Variants in SKIC2 observed in about 807,000 individuals in gnomAD.
SKIC2 encodes SKI2 subunit of superkiller complex.
chr6:31,962,574 A>G, the SKIC2 span: 59,006 of 1,613,018 alleles, frequency 0.037, 1,525 homozygotes, highest in East Asian at 0.086. This position sits in a 1 kb window ranked among gnomAD's most constrained non-coding sequence, Gnocchi z 5.0. Context: ...TCATGACCAC[A>G]GAGATCCTTC....
chr6:31,963,883 T>C, the SKIC2 span: 2 of 1,586,148 alleles, frequency 1.3e-6, no homozygotes, highest in Non-Finnish European at 1.7e-6. This position sits in a 1 kb window ranked among gnomAD's most constrained non-coding sequence, Gnocchi z 5.3. Flanking sequence ...ACTCAACCTC[T>C]GCTCCTTCCC....
At chr6:31,959,192 G>C in the SKIC2 span, 2 of 1,610,342 alleles carry the variant, frequency 1.2e-6, no homozygotes, top group Admixed American at 1.7e-5. Flanking sequence ...GTGGCTCCAG[G>C]ATGATGGAGA....
chr6:31,967,632 C>T, the SKIC2 span: 1 of 1,502,166 alleles, frequency 6.7e-7, no homozygotes, highest in Admixed American at 1.7e-5. This position sits in a 1 kb window ranked among gnomAD's most constrained non-coding sequence, Gnocchi z 4.9. Context: ...TTCCTGATTC[C>T]TGCCCAAGGG....
the SKIC2 span, chr6:31,961,486 G>A: frequency 1.3e-6 from 2 of 1,541,730 alleles, no homozygotes; most frequent in Non-Finnish European, 1.7e-6. Context: ...TCTTTTGGGA[G>A]GAGTGCTAAT....
the SKIC2 span, chr6:31,966,936 A>T: frequency 3.7e-6 from 6 of 1,613,058 alleles, no homozygotes; most frequent in Non-Finnish European, 4.2e-6. The surrounding 1 kb of genome is among the most constrained non-coding windows in gnomAD (Gnocchi z 5.9). Flanking sequence ...CAGTGTGTTG[A>T]GGGTGGGGAG....
the SKIC2 span, chr6:31,967,263 T>C: frequency 4.3e-6 from 7 of 1,612,486 alleles, no homozygotes; most frequent in Non-Finnish European, 5.9e-6. This position sits in a 1 kb window ranked among gnomAD's most constrained non-coding sequence, Gnocchi z 4.9. Context: ...ATCTGTCCTT[T>C]GCTCTTCAGC....
At chr6:31,969,174 C>T in the SKIC2 span, 4 of 1,551,206 alleles carry the variant, frequency 2.6e-6, no homozygotes, top group African/African-American at 1.4e-5. This position sits in a 1 kb window ranked among gnomAD's most constrained non-coding sequence, Gnocchi z 6.1. Context: ...TGACCCCCTC[C>T]AGCCCTGTAA....
the SKIC2 span, chr6:31,965,958 T>C: frequency 5.0e-6 from 8 of 1,612,208 alleles, no homozygotes; most frequent in Non-Finnish European, 6.8e-6. This position sits in a 1 kb window ranked among gnomAD's most constrained non-coding sequence, Gnocchi z 5.6. Flanking sequence ...GGCACCGTTA[T>C]CCTGCTCTGC....
the SKIC2 span, chr6:31,962,138 A>G: frequency 5.3e-5 from 73 of 1,383,996 alleles, no homozygotes; most frequent in Middle Eastern, 2.8e-3. This position sits in a 1 kb window ranked among gnomAD's most constrained non-coding sequence, Gnocchi z 5.0. Flanking sequence ...CTCTTCCCCC[A>G]CCTCTCTAGC....
the SKIC2 span, among the ~76,000 whole-genome samples, chr6:31,964,912 G>A: frequency 2.0e-5 from 3 of 152,194 alleles, no homozygotes; most frequent in East Asian, 3.8e-4. This position sits in a 1 kb window ranked among gnomAD's most constrained non-coding sequence, Gnocchi z 5.0. Flanking sequence ...AAGGTCAAGA[G>A]ATCGAGACCA....
the SKIC2 span, chr6:31,967,406 A>G: frequency 6.5e-7 from 1 of 1,542,208 alleles, no homozygotes; most frequent in South Asian, 1.1e-5. The surrounding 1 kb of genome is among the most constrained non-coding windows in gnomAD (Gnocchi z 4.9). Context: ...TGGACTCCAG[A>G]GGGTGGGAGG....
the SKIC2 span, chr6:31,968,065 G>A: frequency 1.9e-6 from 3 of 1,612,980 alleles, no homozygotes; most frequent in Non-Finnish European, 2.5e-6. This position sits in a 1 kb window ranked among gnomAD's most constrained non-coding sequence, Gnocchi z 6.1. Context: ...TCAGCAAGAG[G>A]CAGCAGCCAA....
the SKIC2 span, chr6:31,961,094 G>A: frequency 6.2e-7 from 1 of 1,613,396 alleles, no homozygotes; most frequent in Non-Finnish European, 8.5e-7. Context: ...TGCACCAAAA[G>A]GTTAGTTTTA....
chr6:31,964,206 TG>T, the SKIC2 span: 5 of 1,610,744 alleles, frequency 3.1e-6, no homozygotes, highest in Non-Finnish European at 4.2e-6. The surrounding 1 kb of genome is among the most constrained non-coding windows in gnomAD (Gnocchi z 5.0). Flanking sequence ...ACTCCATCCC[TG>T]ACCATGGGCC....
chr6:31,963,883 T>G, the SKIC2 span: 2 of 1,586,148 alleles, frequency 1.3e-6, no homozygotes, highest in Non-Finnish European at 1.7e-6. The surrounding 1 kb of genome is among the most constrained non-coding windows in gnomAD (Gnocchi z 5.3). Flanking sequence ...ACTCAACCTC[T>G]GCTCCTTCCC....
chr6:31,967,915 G>T, the SKIC2 span: 1 of 1,612,908 alleles, frequency 6.2e-7, no homozygotes, highest in East Asian at 2.2e-5. The surrounding 1 kb of genome is among the most constrained non-coding windows in gnomAD (Gnocchi z 4.9). Context: ...CAGGATGCCT[G>T]GGTCCATGGC....
chr6:31,959,433 C>A, the SKIC2 span: 1 of 1,454,424 alleles, frequency 6.9e-7, no homozygotes, highest in Non-Finnish European at 9.7e-7. Context: ...CTTTGACCCG[C>A]ATTGAGTCCA....
At chr6:31,962,026 A>T in the SKIC2 span, 2 of 1,612,926 alleles carry the variant, frequency 1.2e-6, no homozygotes, top group South Asian at 1.1e-5. The surrounding 1 kb of genome is among the most constrained non-coding windows in gnomAD (Gnocchi z 5.0). Flanking sequence ...TGAATATGCC[A>T]TTGCCCTGGC....
the SKIC2 span, chr6:31,967,706 CA>C: frequency 6.2e-7 from 1 of 1,612,508 alleles, no homozygotes; most frequent in Admixed American, 1.7e-5. The surrounding 1 kb of genome is among the most constrained non-coding windows in gnomAD (Gnocchi z 4.9). Flanking sequence ...CCTCTCTGAC[CA>C]CCCCCAGGTC....
Sources: allele counts gnomAD v4.1 joint callset (sites outside exome capture counted in the v4.1 genomes callset), GRCh38; gene constraint gnomAD v4.1.1; non-coding constraint Gnocchi (gnomAD v3.1); transcripts MANE v1.5; gene names NCBI Gene and HGNC (gene_info 2026-07-23, HGNC 2026-07-21).